The following CSMD1 variants were observed in gnomAD, a reference collection of about 807,000 sequenced individuals.
CSMD1 encodes CUB and sushi domain-containing protein 1.
Under a neutral mutation model 417.5 loss-of-function variants are expected in CSMD1, and 213 were observed. The ratio of observed to expected loss-of-function variants is 0.51; its 90% CI spans 0.46 to 0.57. CSMD1 has a LOEUF of 0.57. Among genes scored for constraint, CSMD1 ranks in the 20% least tolerant of loss-of-function variants. The pLI is 0.00. For synonymous variants in CSMD1, 2,862 were observed against 1,736.8 expected (o/e 1.65, Z -16.11); for missense variants, 6,923 against 4,529.7 (o/e 1.53, Z -15.17).
chr8:3,790,311 C>T (rs766206514), intron 5 of CSMD1, among the ~76,000 whole-genome samples: 11 of 152,046 alleles, frequency 7.2e-5, no homozygotes, highest in Non-Finnish European at 1.3e-4. Context: ...TAGCTACTGG[C>T]TGTAACTTCA....
intron 3 of CSMD1, among the ~76,000 whole-genome samples, chr8:4,111,853 G>A (rs144678946): frequency 0.013 from 1,931 of 152,112 alleles, 29 homozygotes; most frequent in South Asian, 0.027. Context: ...GATAGGTGCC[G>A]CAAACCAACA....
At chr8:4,641,142 A>G (rs1456980851) in intron 1 of CSMD1, among the ~76,000 whole-genome samples, 2 of 151,582 alleles carry the variant, frequency 1.3e-5, no homozygotes, top group Non-Finnish European at 2.9e-5. Context: ...TTGCATGGAT[A>G]CCAAAATACA....
chr8:3,804,474 G>T (rs1427497714), intron 5 of CSMD1, among the ~76,000 whole-genome samples: 1 of 152,060 alleles, frequency 6.6e-6, no homozygotes, highest in African/African-American at 2.4e-5. Flanking sequence ...ATGGACTATG[G>T]AATAATGGAT....
chr8:4,105,662 C>A (rs1194179483), intron 3 of CSMD1, among the ~76,000 whole-genome samples: 1 of 152,164 alleles, frequency 6.6e-6, no homozygotes, highest in Non-Finnish European at 1.5e-5. Flanking sequence ...TGGTTTCTGA[C>A]CCCATTAGCA....
At chr8:3,998,725 G>T (rs80301645) in intron 4 of CSMD1, among the ~76,000 whole-genome samples, 88 of 151,926 alleles carry the variant, frequency 5.8e-4, no homozygotes, top group African/African-American at 1.9e-3. Flanking sequence ...AGATAAAAGT[G>T]CATTTAAAAT....
Position 4,182,323 on chromosome 8 carries a change from T to C in CSMD1, c.416-150224A>G, listed in dbSNP as rs17333488. 8.1e-3 allele frequency among the ~76,000 whole-genome samples: 1,230 copies of C among 152,224 alleles called. 8 individuals carry two copies. The highest frequency in any genetic ancestry group is 0.025 in the South Asian group (121 of 4,830). On this transcript the variant is annotated intron_variant, in intron 3 of 69. Coordinates refer to ENST00000635120, the MANE Select transcript of CSMD1 (RefSeq NM_033225.6). ...TAAGCTTGCCCTTGGTTTCAGTAAA[T>C]TTATTCTTGTAATCCCCAATACACC...
chr8:4,244,176 G>T (rs545476543), intron 3 of CSMD1, among the ~76,000 whole-genome samples: 4 of 152,258 alleles, frequency 2.6e-5, no homozygotes, highest in South Asian at 2.1e-4. Context: ...CAAGTTTCTG[G>T]TAGAACCGTT....
chr8:4,315,159 C>G (rs190296360), intron 3 of CSMD1, among the ~76,000 whole-genome samples: 6 of 152,184 alleles, frequency 3.9e-5, no homozygotes, highest in African/African-American at 1.4e-4. Context: ...CCACACCTAC[C>G]GGAGACAGAT....
chr8:4,310,529 C>G (rs1009739801), intron 3 of CSMD1, among the ~76,000 whole-genome samples: 8 of 151,770 alleles, frequency 5.3e-5, no homozygotes, highest in African/African-American at 1.5e-4. Flanking sequence ...AATAAAATAT[C>G]TTTGGACACA....
At chr8:3,197,877 G>A (rs1796789026) in intron 33 of CSMD1, among the ~76,000 whole-genome samples, 1 of 152,124 alleles carries the variant, frequency 6.6e-6, no homozygotes, top group South Asian at 2.1e-4. Context: ...TTTATAAGTT[G>A]CATTTATGAT....
At chr8:3,471,941 G>T (rs368364763) in intron 11 of CSMD1, among the ~76,000 whole-genome samples, 9 of 152,078 alleles carry the variant, frequency 5.9e-5, no homozygotes, top group African/African-American at 2.2e-4. Flanking sequence ...GTCGAGGAGA[G>T]TGTTTTCCCT....
chr8:4,471,685 C>A (rs1212857307), intron 2 of CSMD1, among the ~76,000 whole-genome samples: 3 of 152,028 alleles, frequency 2.0e-5, no homozygotes, highest in South Asian at 2.1e-4. Flanking sequence ...GGCCAGCGAA[C>A]GCAGAGAGAA....
chr8:4,756,796 CTA>C (rs1811695949), intron 1 of CSMD1, among the ~76,000 whole-genome samples: 1 of 152,146 alleles, frequency 6.6e-6, no homozygotes, highest in African/African-American at 2.4e-5. Context: ...TCTATATTTT[CTA>C]TGTCTGCTGG....
At position 4,274,882 on chromosome 8, in the gene CSMD1, G is replaced by C. The variant is rs563421476; in HGVS notation, c.415+145071C>G. Reference sequence around the variant, plus strand: ...TTTTCCCAGACTCAAGTACCCAAAAGGTTTGCTCACAGATATTCCAGAAGG... The same window carrying C: ...TTTTCCCAGACTCAAGTACCCAAAACGTTTGCTCACAGATATTCCAGAAGG... On this transcript the variant is annotated intron_variant, in intron 3 of 69. Coordinates refer to ENST00000635120, the MANE Select transcript of CSMD1 (RefSeq NM_033225.6). Among the ~76,000 whole-genome samples, 5 of 152,084 alleles carry C rather than the reference G, an allele frequency of 3.3e-5. No individual in the cohort carries two copies. In the South Asian group the frequency reaches 1.0e-3, roughly 31 times the overall value.
At chr8:4,730,401 A>G (rs1367576830) in intron 1 of CSMD1, among the ~76,000 whole-genome samples, 1 of 152,188 alleles carries the variant, frequency 6.6e-6, no homozygotes, top group African/African-American at 2.4e-5. Context: ...GGGAATAAAA[A>G]GTAGTTGAGT....
intron 56 of CSMD1, among the ~76,000 whole-genome samples, chr8:2,973,519 C>A (rs1278034996): frequency 6.6e-6 from 1 of 152,050 alleles, no homozygotes; most frequent in Non-Finnish European, 1.5e-5. Context: ...TTCACAATAG[C>A]CTATTCAAAT....
chr8:3,649,215 A>C (rs990473366), intron 7 of CSMD1, among the ~76,000 whole-genome samples: 2 of 152,158 alleles, frequency 1.3e-5, no homozygotes, highest in African/African-American at 4.8e-5. Context: ...AAGTCTTCCG[A>C]TATTTTCCCT....
chr8:3,327,162 A>G (rs901151362), intron 23 of CSMD1, among the ~76,000 whole-genome samples: 1 of 147,964 alleles, frequency 6.8e-6, no homozygotes, highest in African/African-American at 2.5e-5. Flanking sequence ...TTTTTTTTTG[A>G]AAGAGACTCT....
intron 7 of CSMD1, among the ~76,000 whole-genome samples, chr8:3,620,781 GAAT>G (rs1177228531): frequency 6.6e-6 from 1 of 152,070 alleles, no homozygotes; most frequent in Admixed American, 6.5e-5. Context: ...TATGAAAATT[GAAT>G]AACAACAAAA....
Sources: gnomAD v4.1 joint callset for allele counts (sites outside exome capture counted in the v4.1 genomes callset) on GRCh38, gnomAD v4.1.1 for gene constraint, MANE v1.5 for transcripts, NCBI Gene and HGNC (gene_info 2026-07-23, HGNC 2026-07-21) for gene names.